PIK3C2G: variants seen among roughly 807,000 people sequenced by gnomAD.
PIK3C2G encodes phosphatidylinositol-4-phosphate 3-kinase catalytic subunit type 2 gamma, also known as phosphatidylinositol 3-kinase C2 domain-containing subunit gamma.
Under a neutral mutation model 181.1 loss-of-function variants are expected in PIK3C2G, and 168 were observed. The observed-to-expected ratio is 0.93, with a 90% CI of 0.82 to 1.05. The LOEUF (loss-of-function observed/expected upper bound fraction) is 1.05, where lower values mean the gene tolerates loss of function less well. Among genes scored for constraint, PIK3C2G ranks in the 50% least tolerant of loss-of-function variants. The pLI, the probability that PIK3C2G is intolerant of heterozygous loss-of-function variation, is 0.00. For missense variants in PIK3C2G, 1,869 were observed against 1,732.8 expected (o/e 1.08, Z -1.40); for synonymous variants, 573 against 592.2 (o/e 0.97, Z 0.47).
chr12:18,619,950 T>G (rs1948775092), intron 31 of PIK3C2G, among the ~76,000 whole-genome samples: 1 of 152,084 alleles, frequency 6.6e-6, no homozygotes, highest in South Asian at 2.1e-4. Flanking sequence ...GTTCTCCATC[T>G]CCTGACCTCG....
chr12:18,448,529 C>T (rs957049861), intron 18 of PIK3C2G, among the ~76,000 whole-genome samples: 29 of 152,046 alleles, frequency 1.9e-4, no homozygotes, highest in African/African-American at 6.8e-4. Flanking sequence ...TCTCTGTTCC[C>T]TTTACCTACA....
downstream of PIK3C2G, among the ~76,000 whole-genome samples, chr12:18,653,183 C>G (rs1391895509): frequency 6.6e-6 from 1 of 152,054 alleles, no homozygotes; most frequent in African/African-American, 2.4e-5. Flanking sequence ...AGACCCACTC[C>G]CAGCATTGGC....
At position 18,488,623 on chromosome 12, in the gene PIK3C2G, A is replaced by AAG. The variant is rs763168286; in HGVS notation, c.2681_2682dup (p.Gln895AspfsTer5). On this transcript the variant is annotated frameshift_variant, in exon 19 of 33. Coordinates refer to ENST00000538779, the MANE Select transcript of PIK3C2G (RefSeq NM_001288772.2). LOFTEE classifies it high-confidence loss of function. ...GAGTCAAGTCTGCCAGTGACCATCA[A>AAG]AGACAGGTTTGTTGAAATATTAATA... The AAG allele has an allele frequency of 6.7e-7, 1 of 1,502,792 alleles. No individual in the cohort carries two copies. The allele number at this position is 1,502,792 out of a possible 1,614,324, so 93.1% of individuals were successfully genotyped here.
intron 31 of PIK3C2G, among the ~76,000 whole-genome samples, chr12:18,638,818 G>A (rs1440410463): frequency 6.6e-6 from 1 of 151,788 alleles, no homozygotes; most frequent in African/African-American, 2.4e-5. Context: ...CCAGAAACAT[G>A]TTTTACCCAC....
Position 18,417,720 on chromosome 12 carries a change from T to C in PIK3C2G, c.2316-3221T>C, listed in dbSNP as rs1945258006. Among the ~76,000 whole-genome samples the C allele has an allele frequency of 2.6e-5, 4 of 151,828 alleles. No individual in the cohort carries two copies. In the South Asian group the frequency reaches 8.3e-4, roughly 32 times the overall value. ...ATTACACATTTAGTAGACTACAGTA[T>C]GGTATAAGCAGAACTTTTACATACA... On this transcript the variant is annotated intron_variant, in intron 16 of 32. Transcript: ENST00000538779.
At chr12:18,335,761 C>T (rs1938469873) in intron 8 of PIK3C2G, among the ~76,000 whole-genome samples, 1 of 152,156 alleles carries the variant, frequency 6.6e-6, no homozygotes, top group South Asian at 2.1e-4. Flanking sequence ...CAATCTTTTA[C>T]TTCACATATT....
intron 19 of PIK3C2G, 133 bp downstream of exon 19, chr12:18,488,762 C>CA: frequency 1.8e-6 from 1 of 544,290 alleles, no homozygotes; most frequent in Non-Finnish European, 2.9e-6. Context: ...TTACTTTAGT[C>CA]AAGTTTTTTT....
At chr12:18,624,687 A>T (rs945621321) in intron 31 of PIK3C2G, among the ~76,000 whole-genome samples, 1 of 151,480 alleles carries the variant, frequency 6.6e-6, no homozygotes, top group Non-Finnish European at 1.5e-5. Flanking sequence ...TTTTGAGGAG[A>T]GACTTTTTAT....
chr12:18,346,647 T>C lies in PIK3C2G; in HGVS notation c.1436T>C (p.Ile479Thr), dbSNP rs1319796639. 1.9e-6 allele frequency: 3 copies of C among 1,595,562 alleles called. No homozygotes were observed. Residue 479 changes from isoleucine (I) to threonine (T), a missense_variant, in exon 11 of 33, where the codon ATA becomes ACA. Physicochemically the swap from Ile to Thr is moderately conservative, Grantham distance 89 (BLOSUM62 -1). Transcript: ENST00000538779. ...QSSETSAKGL[I>T]EKVTTELSTS... ...TCTATCTCTTCCTTTCTAGGCTTGA[T>C]AGAGAAGGTAACAACTGAACTATCC... is the stretch of plus-strand genomic sequence containing the variant.
At chr12:18,706,133 T>C in the PIK3C2G span, among the ~76,000 whole-genome samples, 1 of 151,076 alleles carries the variant, frequency 6.6e-6, no homozygotes, top group South Asian at 2.1e-4. Context: ...CCTGGGAGGC[T>C]GAGGCAGGAG....
chr12:18,621,821 C>T (rs1452266291), intron 31 of PIK3C2G, among the ~76,000 whole-genome samples: 2 of 151,544 alleles, frequency 1.3e-5, no homozygotes, highest in Admixed American at 6.6e-5. Context: ...AGTACGAGAC[C>T]GTGCTAATTT....
rs186076175 is a variant in PIK3C2G at position 18,634,126 on chromosome 12, G to A, written c.4183-6303G>A. ...CTAAGTCTTCAAAGGCCATTTCATC[G>A]TTCTGTAGAGACCAGATGCTTCAGG... On this transcript the variant is annotated intron_variant, in intron 31 of 32. Coordinates refer to ENST00000538779, the MANE Select transcript of PIK3C2G (RefSeq NM_001288772.2). Among the ~76,000 whole-genome samples the A allele has an allele frequency of 3.3e-5, 5 of 152,216 alleles. 1 individual carries two copies. Among genetic ancestry groups the A allele is most frequent in the Admixed American group, 2.0e-4 (3 of 15,288 alleles).
At chr12:18,703,135 A>G in the PIK3C2G span, among the ~76,000 whole-genome samples, 3 of 152,202 alleles carry the variant, frequency 2.0e-5, no homozygotes, top group Non-Finnish European at 4.4e-5. Context: ...GAATTGGACT[A>G]TGATTTGGGT....
At chr12:18,514,727 CT>C (rs1314017865) in intron 24 of PIK3C2G, among the ~76,000 whole-genome samples, 5 of 151,912 alleles carry the variant, frequency 3.3e-5, no homozygotes. Flanking sequence ...TTTGAATGTT[CT>C]TTTTTTCTTT....
At chr12:18,264,552 T>A (rs1350294392) in intron 1 of PIK3C2G, among the ~76,000 whole-genome samples, 1 of 152,092 alleles carries the variant, frequency 6.6e-6, no homozygotes, top group African/African-American at 2.4e-5. Context: ...TATTTCCACC[T>A]CCCGCTGAGA....
At position 18,362,755 on chromosome 12, in the gene PIK3C2G, T is replaced by A. The variant is rs759220618; in HGVS notation, c.1626-9T>A. 6.3e-5 allele frequency: 95 copies of A among 1,504,792 alleles called. No individual in the cohort carries two copies. Among genetic ancestry groups the A allele is most frequent in the Admixed American group, 2.1e-4 (9 of 42,326 alleles). 93.2% of individuals were successfully genotyped at this position (1,504,792 alleles called of 1,614,324 possible). A position where few individuals can be genotyped will look rare whatever the true frequency, so the allele number is the denominator to read the frequency against. On this transcript the variant is annotated splice_polypyrimidine_tract_variant and intron_variant, in intron 11 of 32. Transcript: ENST00000538779. ...CTAAGCATATTGAATTGATGTTGTT[T>A]CATTTTAGCTACAAAGCGTTTTCTT...
chr12:18,306,054 T>C (rs1426584931), intron 5 of PIK3C2G, among the ~76,000 whole-genome samples: 1 of 151,924 alleles, frequency 6.6e-6, no homozygotes, highest in African/African-American at 2.4e-5. Context: ...TTATAAAACT[T>C]TTTTCCAGAT....
At chr12:18,680,986 T>C in the PIK3C2G span, among the ~76,000 whole-genome samples, 1 of 151,810 alleles carries the variant, frequency 6.6e-6, no homozygotes, top group Non-Finnish European at 1.5e-5. Flanking sequence ...GATAGGGGAG[T>C]GTGTAGCATT....
At chr12:18,644,337 C>G (rs1950004531) in intron 32 of PIK3C2G, among the ~76,000 whole-genome samples, 1 of 152,124 alleles carries the variant, frequency 6.6e-6, no homozygotes, top group Non-Finnish European at 1.5e-5. Context: ...CTTTCCACGC[C>G]ACTACTTTTG....
Sources: gnomAD v4.1 joint callset for allele counts (sites outside exome capture counted in the v4.1 genomes callset) on GRCh38, gnomAD v4.1.1 for gene constraint, MANE v1.5 for transcripts, NCBI Gene and HGNC (gene_info 2026-07-23, HGNC 2026-07-21) for gene names.